GFRA1: variants seen among roughly 807,000 people sequenced by gnomAD.
GFRA1 encodes GDNF family receptor alpha 1, also known as GDNF family receptor alpha-1.
In GFRA1, 16 loss-of-function variants were observed where a neutral mutation model predicts 51.6. The observed-to-expected ratio is 0.31, with a 90% confidence interval of 0.21 to 0.47. The LOEUF (loss-of-function observed/expected upper bound fraction) is 0.47, where lower values mean the gene tolerates loss of function less well. GFRA1 is among the 20% of genes least tolerant of loss of function. The pLI is 1.00. For missense variants in GFRA1, 530 were observed against 594.3 expected, an observed-to-expected ratio of 0.89 and a Z score of 1.13; for synonymous variants, 270 against 241.3, an observed-to-expected ratio of 1.12 and a Z score of -1.10.
chr10:116,064,302 G>T lies in GFRA1; in HGVS notation c.*96C>A. 9.6e-7 allele frequency: 1 copy of T among 1,041,830 alleles called. No homozygotes were observed. Among genetic ancestry groups the T allele is most frequent in the Non-Finnish European group, 1.5e-6 (1 of 682,112 alleles). The allele number at this position is 1,041,830 out of a possible 1,614,324, so 64.5% of individuals were successfully genotyped here. On this transcript the variant is annotated 3_prime_UTR_variant, in exon 11 of 11. Transcript: ENST00000355422. ...TTGAATGGAACTGTTTCTCAACTGA[G>T]CTCCTAAACTGGAATTTCAGCTATA...
At chr10:116,075,366 T>G (rs1198396401) in intron 9 of GFRA1, among the ~76,000 whole-genome samples, 1 of 152,196 alleles carries the variant, frequency 6.6e-6, no homozygotes, top group African/African-American at 2.4e-5. Flanking sequence ...CGGCACAGGC[T>G]CCTCCTATGT....
At position 116,125,368 on chromosome 10, in the gene GFRA1, C is replaced by A; in HGVS notation, c.623G>T (p.Ser208Ile). The A allele has an allele frequency of 1.2e-6, 2 of 1,614,254 alleles. No individual in the cohort carries two copies. The highest frequency in any genetic ancestry group is 1.7e-6 in the Non-Finnish European group (2 of 1,180,044). The change falls in exon 6 of 11, where the codon AGC becomes ATC. Residue 208 changes from serine (S) to isoleucine (I), a missense_variant. Ser to Ile is a moderately radical substitution (Grantham distance 142). Coordinates refer to ENST00000355422, the MANE Select transcript of GFRA1 (RefSeq NM_005264.8). ...GCAGGAGCAGAAGAGCATTCCGTAG[C>A]TGTGCTTGGCCGGGACCTTGTCAAA... ...QFFDKVPAKH[S>I]YGMLFCSCRD...
intron 5 of GFRA1, among the ~76,000 whole-genome samples, chr10:116,141,384 G>A (rs958642140): frequency 1.8e-4 from 27 of 152,326 alleles, no homozygotes; most frequent in African/African-American, 6.5e-4. Flanking sequence ...TACCATTATA[G>A]CAAGCTCCTC....
At chr10:116,244,649 T>G (rs1303854404) in intron 4 of GFRA1, among the ~76,000 whole-genome samples, 1 of 151,834 alleles carries the variant, frequency 6.6e-6, no homozygotes, top group Non-Finnish European at 1.5e-5. Flanking sequence ...AGGACAGACC[T>G]GAACACCTGA....
At chr10:116,127,550 T>C (rs948384818) in intron 5 of GFRA1, among the ~76,000 whole-genome samples, 2 of 152,206 alleles carry the variant, frequency 1.3e-5, no homozygotes, top group Admixed American at 6.5e-5. Context: ...GTACAGGAAG[T>C]TGGCAGCTGC....
intron 6 of GFRA1, among the ~76,000 whole-genome samples, chr10:116,124,762 A>G (rs1307410368): frequency 2.6e-5 from 4 of 152,114 alleles, no homozygotes; most frequent in African/African-American, 9.7e-5. Flanking sequence ...GTTCTCCCCA[A>G]GGCTGGACAC....
At chr10:116,227,766 A>G (rs1333899549) in intron 4 of GFRA1, among the ~76,000 whole-genome samples, 1 of 152,142 alleles carries the variant, frequency 6.6e-6, no homozygotes, top group East Asian at 1.9e-4. Flanking sequence ...GCTTAATTCC[A>G]TCTCCTGTCA....
chr10:116,090,016 G>A (rs911993700), intron 8 of GFRA1, 94 bp from the exon 9 acceptor site: 5 of 1,168,240 alleles, frequency 4.3e-6, no homozygotes, highest in Admixed American at 4.0e-5. Context: ...TAGAAATTCT[G>A]ATTATAGCAT....
At chr10:116,178,305 G>GA (rs1029777214) in intron 5 of GFRA1, among the ~76,000 whole-genome samples, 2 of 151,226 alleles carry the variant, frequency 1.3e-5, no homozygotes, top group African/African-American at 2.4e-5. Flanking sequence ...GGGCCGGGGG[G>GA]GCGTTTTACT....
At chr10:116,257,288 C>T (rs530859475) in intron 4 of GFRA1, among the ~76,000 whole-genome samples, 85 of 151,256 alleles carry the variant, frequency 5.6e-4, no homozygotes, top group Admixed American at 1.2e-3. Context: ...TACCTGTACC[C>T]CCCACCCCGC....
chr10:116,215,961 G>A (rs1364786339), intron 4 of GFRA1, among the ~76,000 whole-genome samples: 1 of 152,054 alleles, frequency 6.6e-6, no homozygotes, highest in African/African-American at 2.4e-5. Context: ...ATTCAGATGT[G>A]GGAGGAAGAA....
intron 4 of GFRA1, among the ~76,000 whole-genome samples, chr10:116,236,296 G>A (rs1482313857): frequency 1.3e-5 from 2 of 152,038 alleles, no homozygotes; most frequent in African/African-American, 4.8e-5. Flanking sequence ...CACTGCCTCT[G>A]CCAGGAACCA....
intron 2 of GFRA1, 146 bp downstream of exon 2, chr10:116,271,844 G>A (rs1374520605): frequency 2.7e-6 from 2 of 732,066 alleles, no homozygotes; most frequent in Non-Finnish European, 2.5e-6. Context: ...GGGGATTCGC[G>A]ATCCCATTCC....
intron 5 of GFRA1, among the ~76,000 whole-genome samples, chr10:116,163,681 G>A (rs942041550): frequency 1.3e-5 from 2 of 152,134 alleles, no homozygotes; most frequent in Admixed American, 1.3e-4. Flanking sequence ...GTCCCTTCTC[G>A]CACGGCCTGG....
At chr10:116,136,866 G>A (rs886405463) in intron 5 of GFRA1, among the ~76,000 whole-genome samples, 9 of 152,138 alleles carry the variant, frequency 5.9e-5, no homozygotes, top group African/African-American at 2.2e-4. Flanking sequence ...CATGATGTTG[G>A]ACAATGCTCA....
At position 116,206,431 on chromosome 10, in the gene GFRA1, G is replaced by A. The variant is rs1424527753; in HGVS notation, c.433+5200C>T. ...GCTCCTGATAAATGGCAGTGGGCCC[G>A]TCACCACAAGCCCACCCCGACAATT... On this transcript the variant is annotated intron_variant, in intron 5 of 10. Transcript: ENST00000355422. Among the ~76,000 whole-genome samples the A allele has an allele frequency of 2.6e-5, 4 of 152,138 alleles. No homozygotes were observed. The East Asian group carries it at 5.8e-4, about 22-fold the overall frequency.
At chr10:116,117,717 TAGATGGATGATGGAC>T (rs1228519341) in intron 6 of GFRA1, among the ~76,000 whole-genome samples, 1 of 151,790 alleles carries the variant, frequency 6.6e-6, no homozygotes, top group African/African-American at 2.4e-5. Flanking sequence ...AAGGTATGAA[TAGATGGATGATGGAC>T]AGATGGATGA....
At chr10:116,187,922 G>A (rs764268472) in intron 5 of GFRA1, among the ~76,000 whole-genome samples, 1 of 152,060 alleles carries the variant, frequency 6.6e-6, no homozygotes, top group Non-Finnish European at 1.5e-5. Flanking sequence ...CCCTCCCCAC[G>A]CCCTGCAAGT....
chr10:116,163,697 A>G (rs148182888), intron 5 of GFRA1, among the ~76,000 whole-genome samples: 1 of 152,278 alleles, frequency 6.6e-6, no homozygotes, highest in Non-Finnish European at 1.5e-5. Context: ...CCTGGTCTTC[A>G]GCTTCCCTTT....
Sources: gnomAD v4.1 joint callset for allele counts (sites outside exome capture counted in the v4.1 genomes callset) on GRCh38, gnomAD v4.1.1 for gene constraint, MANE v1.5 for transcripts, NCBI Gene and HGNC (gene_info 2026-07-23, HGNC 2026-07-21) for gene names.